RNF130: variants seen among roughly 807,000 people sequenced by gnomAD.
RNF130 encodes E3 ubiquitin-protein ligase RNF130.
A neutral mutation model predicts 44.6 loss-of-function variants in RNF130; 21 were observed. The observed-to-expected ratio is 0.47, with a 90% CI of 0.33 to 0.68. RNF130 has a LOEUF of 0.68. RNF130 is among the 30% of genes least tolerant of loss of function. The probability of loss-of-function intolerance (pLI) is 0.02; values close to 1 mark genes in which losing one functional copy is unlikely to be tolerated. For synonymous variants in RNF130, 214 were observed against 210.4 expected (o/e 1.02, Z -0.15); for missense variants, 479 against 560.6 (o/e 0.85, Z 1.47).
chr5:179,933,865 C>T, intron 7 of RNF130: 1 of 787,344 alleles, frequency 1.3e-6, no homozygotes. Flanking sequence ...CTTCATGGTC[C>T]ATGTTGCCAG....
rs187835892 is a variant in RNF130, at chr5:179,932,555, C to T, written c.1151-12129G>A. Among the ~76,000 whole-genome samples, 418 of 152,094 alleles carry T rather than the reference C, an allele frequency of 2.7e-3. 1 individual carries two copies. The highest frequency in any genetic ancestry group is 5.0e-3 in the Non-Finnish European group (341 of 68,014). On this transcript the variant is annotated intron_variant, in intron 7 of 7. Coordinates refer to the RNF130 transcript ENST00000522208. ...GATTACAAGTGTGAGCCACCACGCC[C>T]GGCCTTAGCTAATATTTTCTTAAAA...
intron 7 of RNF130, among the ~76,000 whole-genome samples, chr5:179,931,876 C>T (rs1761813191): frequency 6.6e-6 from 1 of 152,184 alleles, no homozygotes; most frequent in South Asian, 2.1e-4. Context: ...ACTCAGCTGT[C>T]CCAGCCAGTG....
At chr5:179,987,994 A>G (rs999013562) in intron 3 of RNF130, among the ~76,000 whole-genome samples, 15 of 152,248 alleles carry the variant, frequency 9.9e-5, no homozygotes, top group African/African-American at 3.1e-4. Context: ...TGAGTTAGAA[A>G]GAATTCTCTC....
chr5:179,924,293 C>T (rs74871978), intron 7 of RNF130, among the ~76,000 whole-genome samples: 2 of 147,612 alleles, frequency 1.4e-5, no homozygotes, highest in East Asian at 2.0e-4. Context: ...GTTGGGAGTG[C>T]GAGACCAGCC....
At chr5:179,950,238 TC>T (rs1318461467), downstream of RNF130, among the ~76,000 whole-genome samples, 8 of 152,056 alleles carry the variant, frequency 5.3e-5, no homozygotes, top group Non-Finnish European at 2.9e-5. Flanking sequence ...TGCCTCAGCC[TC>T]CCAAGTAGCT....
At chr5:179,976,122 G>A (rs1309218778) in intron 5 of RNF130, among the ~76,000 whole-genome samples, 1 of 152,080 alleles carries the variant, frequency 6.6e-6, no homozygotes, top group Non-Finnish European at 1.5e-5. Flanking sequence ...GGAGTTCAGA[G>A]CGGCCTGGGC....
At chr5:179,993,031 A>G (rs1461342981) in intron 3 of RNF130, among the ~76,000 whole-genome samples, 1 of 152,214 alleles carries the variant, frequency 6.6e-6, no homozygotes, top group Non-Finnish European at 1.5e-5. Flanking sequence ...AGCTTCATCC[A>G]TGTCCCTAAA....
chr5:180,055,268 A>AC (rs1764784822), intron 1 of RNF130, among the ~76,000 whole-genome samples: 1 of 23,366 alleles, frequency 4.3e-5, no homozygotes, highest in Admixed American at 6.5e-4. Flanking sequence ...AAAAAAAAAA[A>AC]AAAAAAAAAA....
intron 8 of RNF130, 75 bp downstream of exon 8, chr5:179,963,396 C>G: frequency 8.8e-7 from 1 of 1,136,428 alleles, no homozygotes. Context: ...GTTCTCACCA[C>G]CTTCATGAAA....
chr5:180,014,894 G>C (rs549168173), intron 2 of RNF130, among the ~76,000 whole-genome samples: 1 of 152,186 alleles, frequency 6.6e-6, no homozygotes, highest in Non-Finnish European at 1.5e-5. Context: ...GCTGAGGTGG[G>C]AGGATCACTG....
intron 7 of RNF130, among the ~76,000 whole-genome samples, chr5:179,949,372 T>G (rs1762091494): frequency 6.6e-6 from 1 of 151,820 alleles, no homozygotes. Context: ...TCAAGTAATC[T>G]TCCTGCCTCC....
chr5:179,945,947 G>A (rs1316584550), intron 7 of RNF130, among the ~76,000 whole-genome samples: 1 of 152,116 alleles, frequency 6.6e-6, no homozygotes, highest in East Asian at 1.9e-4. Flanking sequence ...GGGCGGGGGC[G>A]ATTCTGCCTA....
intron 7 of RNF130, among the ~76,000 whole-genome samples, chr5:179,946,797 A>G (rs987671824): frequency 5.3e-5 from 8 of 152,124 alleles, no homozygotes; most frequent in East Asian, 3.9e-4. Context: ...CTCGTGATCC[A>G]CCAGCCTCGG....
intron 3 of RNF130, among the ~76,000 whole-genome samples, chr5:180,006,266 T>C (rs1409128308): frequency 3.3e-5 from 5 of 151,980 alleles, no homozygotes; most frequent in Admixed American, 3.3e-4. Context: ...TGGCAGTATA[T>C]ACAATACTTC....
chr5:179,931,363 G>A (rs1397714827), intron 7 of RNF130, among the ~76,000 whole-genome samples: 1 of 152,230 alleles, frequency 6.6e-6, no homozygotes, highest in Non-Finnish European at 1.5e-5. Flanking sequence ...ACATATTACA[G>A]TTCTGCACAT....
intron 1 of RNF130, among the ~76,000 whole-genome samples, chr5:180,060,008 T>C (rs1035613107): frequency 6.6e-6 from 1 of 152,068 alleles, no homozygotes; most frequent in Non-Finnish European, 1.5e-5. Context: ...ATCACAAGTG[T>C]CTTTTAAATG....
At chr5:180,003,873 C>T (rs1210526183) in intron 3 of RNF130, among the ~76,000 whole-genome samples, 1 of 152,148 alleles carries the variant, frequency 6.6e-6, no homozygotes, top group Non-Finnish European at 1.5e-5. Context: ...ATTAAATCTA[C>T]CTTGAATGCT....
intron 3 of RNF130, among the ~76,000 whole-genome samples, chr5:179,987,459 G>A (rs1582165797): frequency 1.3e-5 from 2 of 152,154 alleles, no homozygotes; most frequent in Admixed American, 6.5e-5. Context: ...GTGAGCCACC[G>A]AGCTTGGCCA....
intron 3 of RNF130, among the ~76,000 whole-genome samples, chr5:180,011,845 C>A (rs980334921): frequency 6.6e-6 from 1 of 152,012 alleles, no homozygotes; most frequent in Admixed American, 6.6e-5. Flanking sequence ...ACAGCTGTAG[C>A]ATCTGAGTGA....
Sources: gnomAD v4.1 joint callset for allele counts (sites outside exome capture counted in the v4.1 genomes callset) on GRCh38, gnomAD v4.1.1 for gene constraint, MANE v1.5 for transcripts, NCBI Gene and HGNC (gene_info 2026-07-23, HGNC 2026-07-21) for gene names.